The following OR2L13 variants were observed in gnomAD, a reference collection of about 807,000 sequenced individuals.
The protein encoded by OR2L13 is olfactory receptor 2L13.
OR2L13 carries 14 observed loss-of-function variants against 15.3 expected under a neutral mutation model. The observed-to-expected ratio is 0.91, with a 90% CI of 0.60 to 1.43. OR2L13 has a LOEUF of 1.43. OR2L13 is among the 40% of genes most tolerant of loss of function. The pLI is 0.00. For missense variants in OR2L13, 367 were observed against 387.9 expected, an observed-to-expected ratio of 0.95 and a Z score of 0.45; for synonymous variants, 152 against 142.9, an observed-to-expected ratio of 1.06 and a Z score of -0.45.
chr1:248,016,409 T>C, the OR2L13 span, among the ~76,000 whole-genome samples: 1 of 152,170 alleles, frequency 6.6e-6, no homozygotes, highest in Non-Finnish European at 1.5e-5. Flanking sequence ...TCTTCTTTCT[T>C]TGAAAATATG....
At chr1:247,983,290 T>C in the OR2L13 span, among the ~76,000 whole-genome samples, 1 of 152,178 alleles carries the variant, frequency 6.6e-6, no homozygotes, top group Non-Finnish European at 1.5e-5. Context: ...AGACAGTCAG[T>C]AAAAGTTCAT....
chr1:248,061,480 C>T, the OR2L13 span: 1 of 1,614,000 alleles, frequency 6.2e-7, no homozygotes, highest in South Asian at 1.1e-5. Flanking sequence ...CCTGCGATCT[C>T]CAACAGAGGA....
exon 3 of OR2L13, chr1:248,099,433 A>T: frequency 6.2e-7 from 1 of 1,613,960 alleles, no homozygotes; most frequent in Non-Finnish European, 8.5e-7. Context: ...GCTTCCCCCA[A>T]ATCAAACTGG....
the OR2L13 span, among the ~76,000 whole-genome samples, chr1:247,951,611 T>C: frequency 1.3e-5 from 2 of 152,236 alleles, no homozygotes; most frequent in Non-Finnish European, 2.9e-5. Context: ...AACACACATT[T>C]TGAACTTGTC....
the OR2L13 span, among the ~76,000 whole-genome samples, chr1:248,045,621 A>C: frequency 6.6e-6 from 1 of 152,196 alleles, no homozygotes; most frequent in African/African-American, 2.4e-5. Context: ...ATTACGTTAA[A>C]AATCACGGTT....
chr1:247,992,101 C>T, the OR2L13 span, among the ~76,000 whole-genome samples: 8 of 149,124 alleles, frequency 5.4e-5, 1 homozygote, highest in Non-Finnish European at 1.2e-4. Flanking sequence ...CCAACCTCTC[C>T]TCCTCTTCCT....
At chr1:248,027,480 C>T in the OR2L13 span, among the ~76,000 whole-genome samples, 234 of 152,270 alleles carry the variant, frequency 1.5e-3, 1 homozygote, top group Non-Finnish European at 2.7e-3. Context: ...TTTTGAAAAT[C>T]GCTAATAAAA....
chr1:248,078,220 C>T, the OR2L13 span, among the ~76,000 whole-genome samples: 1 of 152,176 alleles, frequency 6.6e-6, no homozygotes, highest in African/African-American at 2.4e-5. Context: ...CGGTGCCTCA[C>T]ACCTGTAATC....
chr1:248,015,282 A>G, the OR2L13 span, among the ~76,000 whole-genome samples: 2 of 152,156 alleles, frequency 1.3e-5, no homozygotes, highest in Non-Finnish European at 2.9e-5. Context: ...AGGAGAATCT[A>G]TTGTGGAGGA....
the OR2L13 span, among the ~76,000 whole-genome samples, chr1:248,081,869 C>A: frequency 1.3e-5 from 2 of 152,144 alleles, no homozygotes; most frequent in Non-Finnish European, 2.9e-5. Context: ...CTATATGAAG[C>A]AGGAAACTCC....
the OR2L13 span, chr1:247,937,576 TG>T: frequency 6.2e-6 from 1 of 161,688 alleles, no homozygotes; most frequent in African/African-American, 2.4e-5. Flanking sequence ...AGCTCAGGGA[TG>T]GGGCTGGCTC....
At chr1:248,063,375 A>T in the OR2L13 span, 3 of 152,236 alleles carry the variant, frequency 2.0e-5, no homozygotes, top group African/African-American at 7.2e-5. Flanking sequence ...AAGCCTGTGG[A>T]TATTTGTTTT....
At chr1:247,946,857 C>CA in the OR2L13 span, among the ~76,000 whole-genome samples, 15 of 150,702 alleles carry the variant, frequency 1.0e-4, no homozygotes, top group South Asian at 1.1e-3. Context: ...TGCTGCAATA[C>CA]AAAAAAAAAC....
At chr1:247,972,401 A>G in the OR2L13 span, among the ~76,000 whole-genome samples, 3 of 152,318 alleles carry the variant, frequency 2.0e-5, no homozygotes, top group African/African-American at 7.2e-5. Flanking sequence ...GAGAAGAATC[A>G]AATAGACACA....
the OR2L13 span, among the ~76,000 whole-genome samples, chr1:248,055,378 C>T: frequency 6.6e-6 from 1 of 151,996 alleles, no homozygotes; most frequent in Non-Finnish European, 1.5e-5. Context: ...CATTGTTCAT[C>T]AGGGATATTG....
At chr1:248,072,680 G>A in the OR2L13 span, among the ~76,000 whole-genome samples, 5 of 151,986 alleles carry the variant, frequency 3.3e-5, no homozygotes, top group Non-Finnish European at 7.4e-5. Context: ...TACCATCAGA[G>A]TGAACAGGCA....
chr1:248,022,787 C>T, the OR2L13 span: 11 of 1,614,038 alleles, frequency 6.8e-6, no homozygotes, highest in Non-Finnish European at 9.3e-6. Context: ...ACACCATCCT[C>T]ACCCCAATGC....
the OR2L13 span, among the ~76,000 whole-genome samples, chr1:247,967,923 CCTTCTTT>C: frequency 6.4e-4 from 97 of 151,234 alleles, 1 homozygote; most frequent in East Asian, 3.1e-3. Context: ...TCTTCTTCTT[CCTTCTTT>C]CTTCTTTCTT....
At chr1:248,054,787 A>G in the OR2L13 span, among the ~76,000 whole-genome samples, 805 of 152,232 alleles carry the variant, frequency 5.3e-3, 10 homozygotes, top group South Asian at 0.018. Flanking sequence ...CTGCACATTG[A>G]TTTTGTATCC....
Sources: allele counts gnomAD v4.1 joint callset (sites outside exome capture counted in the v4.1 genomes callset), GRCh38; gene constraint gnomAD v4.1.1; transcripts MANE v1.5; gene names NCBI Gene and HGNC (gene_info 2026-07-23, HGNC 2026-07-21).